CCDC171: variants seen among roughly 807,000 people sequenced by gnomAD.
CCDC171 encodes the protein coiled-coil domain-containing protein 171.
Under a neutral mutation model 168.2 loss-of-function variants are expected in CCDC171, and 177 were observed. The ratio of observed to expected loss-of-function variants is 1.05; its 90% CI spans 0.93 to 1.19. CCDC171 has a LOEUF of 1.19. Ranked by LOEUF, CCDC171 falls within the 50% of genes most tolerant of loss-of-function variation. The pLI is 0.00. For missense variants in CCDC171, 1,991 were observed against 1,539.0 expected (o/e 1.29, Z -4.91); for synonymous variants, 687 against 540.8 (o/e 1.27, Z -3.75).
Position 16,059,695 on chromosome 9 carries a change from T to C in CCDC171, n.90-951T>C, listed in dbSNP as rs559573826. Among the ~76,000 whole-genome samples the C allele has an allele frequency of 6.6e-3, 997 of 150,404 alleles. 14 individuals carry two copies. The highest frequency in any genetic ancestry group is 0.023 in the African/African-American group (958 of 40,842). Reference sequence around the variant, plus strand: ...GCGCCCGGCTAATTTTTTGTATTTTTAGTAGAGACGGGGTTTCACCTTGTT... The same window carrying C: ...GCGCCCGGCTAATTTTTTGTATTTTCAGTAGAGACGGGGTTTCACCTTGTT... On this transcript the variant is annotated intron_variant and non_coding_transcript_variant, in intron 1 of 1. Coordinates refer to the CCDC171 transcript ENST00000478913.
intron 21 of CCDC171, among the ~76,000 whole-genome samples, chr9:15,800,803 A>T (rs2058785598): frequency 6.6e-6 from 1 of 152,052 alleles, no homozygotes; most frequent in South Asian, 2.1e-4. Context: ...GACAAGAGAT[A>T]AGGGTCTAGT....
At chr9:15,596,643 C>T (rs1210658286) in intron 6 of CCDC171, among the ~76,000 whole-genome samples, 2 of 151,510 alleles carry the variant, frequency 1.3e-5, no homozygotes, top group Non-Finnish European at 2.9e-5. Context: ...TTTTTGGTTC[C>T]ATATGAACTT....
At chr9:15,792,395 C>G (rs932677301) in intron 21 of CCDC171, among the ~76,000 whole-genome samples, 1 of 152,172 alleles carries the variant, frequency 6.6e-6, no homozygotes, top group East Asian at 1.9e-4. Flanking sequence ...TTGGAAAACA[C>G]TCTTCAGGAT....
intron 11 of CCDC171, among the ~76,000 whole-genome samples, chr9:15,700,733 A>T (rs1285779183): frequency 2.6e-5 from 4 of 151,750 alleles, no homozygotes; most frequent in South Asian, 2.1e-4. Flanking sequence ...CAGTCCTCCC[A>T]CTTCATCCTC....
At chr9:15,936,091 G>T (rs1330392375) in intron 25 of CCDC171, among the ~76,000 whole-genome samples, 1 of 152,084 alleles carries the variant, frequency 6.6e-6, no homozygotes, top group Admixed American at 6.5e-5. Context: ...AATAGGTACT[G>T]TTGGCAGGTG....
At position 15,721,676 on chromosome 9, in the gene CCDC171, C is replaced by T. The variant is rs77940796; in HGVS notation, c.1319-93C>T. 3,346 of 514,960 alleles carry T rather than the reference C, an allele frequency of 6.5e-3. 109 individuals are homozygous for T. The highest frequency in any genetic ancestry group is 0.06 in the African/African-American group (3,025 of 50,556). 31.9% of individuals were successfully genotyped at this position (514,960 alleles called of 1,614,324 possible). A position where few individuals can be genotyped will look rare whatever the true frequency, so the allele number is the denominator to read the frequency against. ...TAATAGTTTCATAACGTCTTTTCAG[C>T]TCTACCTAATTGTAGTATCTCTGTT... On this transcript the variant is annotated intron_variant, in intron 11 of 25. Transcript: ENST00000380701.
intron 21 of CCDC171, among the ~76,000 whole-genome samples, chr9:15,814,830 A>G (rs184529443): frequency 2.0e-5 from 3 of 152,326 alleles, no homozygotes; most frequent in East Asian, 3.9e-4. Flanking sequence ...AGCCTCTACT[A>G]TGTAAAAAGT....
At chr9:15,803,952 C>T (rs1179562330) in intron 21 of CCDC171, among the ~76,000 whole-genome samples, 1 of 151,570 alleles carries the variant, frequency 6.6e-6, no homozygotes. Flanking sequence ...CCTTCACTTC[C>T]CTTGTTAGCT....
chr9:15,630,723 A>G (rs2045608149), intron 7 of CCDC171, among the ~76,000 whole-genome samples: 2 of 152,086 alleles, frequency 1.3e-5, no homozygotes. Context: ...CAGAATATAC[A>G]TTTTTTTCAG....
chr9:15,887,899 C>T (rs1819646512), intron 24 of CCDC171: 1 of 152,142 alleles, frequency 6.6e-6, no homozygotes, highest in Non-Finnish European at 1.5e-5. Flanking sequence ...TTTCTATATC[C>T]TCCTCCTCTG....
intron 6 of CCDC171, among the ~76,000 whole-genome samples, chr9:15,599,369 G>T (rs2042647529): frequency 6.6e-6 from 1 of 152,114 alleles, no homozygotes; most frequent in South Asian, 2.1e-4. Flanking sequence ...CTCAGCATTT[G>T]CTTGTCTGTA....
At chr9:15,810,772 G>T (rs183994926) in intron 21 of CCDC171, among the ~76,000 whole-genome samples, 2 of 152,154 alleles carry the variant, frequency 1.3e-5, no homozygotes, top group Non-Finnish European at 2.9e-5. Context: ...CCTGGTTCCC[G>T]CCTGCGCCTC....
chr9:15,908,518 G>A (rs1195159457), intron 24 of CCDC171, among the ~76,000 whole-genome samples: 1 of 151,018 alleles, frequency 6.6e-6, no homozygotes, highest in East Asian at 2.0e-4. Context: ...GGTGGGGGGA[G>A]GTGGGAGGGA....
chr9:15,760,544 T>A (rs1212768693), intron 18 of CCDC171, among the ~76,000 whole-genome samples: 1 of 152,212 alleles, frequency 6.6e-6, no homozygotes, highest in Non-Finnish European at 1.5e-5. Context: ...AAAATTTGGC[T>A]AATAAAATTT....
chr9:15,995,948 A>G (rs2987035), intron 3 of CCDC171, among the ~76,000 whole-genome samples: 62,710 of 151,530 alleles, frequency 0.41, 13,055 homozygotes, highest in South Asian at 0.52. Context: ...TCTATTTTTC[A>G]TTAACTTCTG....
chr9:15,576,601 C>T (rs1428071382), intron 3 of CCDC171, among the ~76,000 whole-genome samples: 7 of 152,102 alleles, frequency 4.6e-5, no homozygotes, highest in African/African-American at 1.7e-4. Flanking sequence ...TTGTATTATG[C>T]CAGGAAAGTG....
the CCDC171 span, among the ~76,000 whole-genome samples, chr9:16,108,058 A>C: frequency 1.3e-5 from 2 of 152,242 alleles, no homozygotes; most frequent in African/African-American, 4.8e-5. Context: ...TCAGCGGTAT[A>C]AACTTCAGTC....
intron 10 of CCDC171, among the ~76,000 whole-genome samples, chr9:15,687,923 A>C (rs1356265436): frequency 6.6e-6 from 1 of 152,156 alleles, no homozygotes; most frequent in East Asian, 1.9e-4. Flanking sequence ...GTTCACGACC[A>C]GCCTGGCCAA....
chr9:15,985,662 G>GGAA (rs1831963001), intron 3 of CCDC171, among the ~76,000 whole-genome samples: 1 of 152,152 alleles, frequency 6.6e-6, no homozygotes, highest in South Asian at 2.1e-4. Context: ...TGACAATTTA[G>GGAA]GAAGAAACAA....
Sources: allele counts gnomAD v4.1 joint callset (sites outside exome capture counted in the v4.1 genomes callset), GRCh38; gene constraint gnomAD v4.1.1; transcripts MANE v1.5; gene names NCBI Gene and HGNC (gene_info 2026-07-23, HGNC 2026-07-21).